Variants in NFIA observed in about 807,000 individuals in gnomAD.
NFIA encodes the protein nuclear factor 1 A-type.
NFIA carries 8 observed loss-of-function variants against 62.8 expected under a neutral mutation model. The ratio of observed to expected loss-of-function variants is 0.13; its 90% CI spans 0.07 to 0.23. The LOEUF (loss-of-function observed/expected upper bound fraction) is 0.23. Among genes scored for constraint, NFIA ranks in the 10% least tolerant of loss-of-function variants. NFIA has a pLI of 1.00. For missense variants in NFIA, 410 were observed against 642.1 expected, an observed-to-expected ratio of 0.64 and a Z score of 3.91; for synonymous variants, 235 against 238.1, an observed-to-expected ratio of 0.99 and a Z score of 0.12.
intron 2 of NFIA, among the ~76,000 whole-genome samples, chr1:61,111,017 C>T (rs1242115059): frequency 6.6e-6 from 1 of 152,038 alleles, no homozygotes; most frequent in Non-Finnish European, 1.5e-5. Context: ...TAAGTAGAGG[C>T]TCTCTGACAC....
chr1:61,190,070 G>C (rs146596590), intron 2 of NFIA, among the ~76,000 whole-genome samples: 6 of 152,202 alleles, frequency 3.9e-5, no homozygotes, highest in African/African-American at 1.4e-4. Context: ...CATTGGTTGA[G>C]TGCTGCAATG....
chr1:61,278,504 T>C (rs1657945725), intron 3 of NFIA, among the ~76,000 whole-genome samples: 1 of 152,198 alleles, frequency 6.6e-6, no homozygotes, highest in African/African-American at 2.4e-5. Flanking sequence ...AAGCTCAGGC[T>C]GTGGGCTGGG....
chr1:61,141,926 G>A (rs1218711746), intron 2 of NFIA, among the ~76,000 whole-genome samples: 1 of 152,162 alleles, frequency 6.6e-6, no homozygotes, highest in African/African-American at 2.4e-5. Context: ...CCCCCGTGAT[G>A]GTGAGGTGTT....
At chr1:61,077,601 T>C, upstream of NFIA, 1 of 1,398,642 alleles carries the variant, frequency 7.1e-7, no homozygotes, top group South Asian at 1.7e-5. Flanking sequence ...TTTTAAAGTT[T>C]CTCACGTACT....
In NFIA at chr1:61,456,441, CTAAT is replaced by C. The variant is rs1668304952; in HGVS notation, c.*1128_*1131del. 3 of 150,404 alleles carry C rather than the reference CTAAT, an allele frequency of 2.0e-5. No homozygotes were observed. In the South Asian group the frequency reaches 6.3e-4, roughly 32 times the overall value. 9.3% of individuals were successfully genotyped at this position (150,404 alleles called of 1,614,324 possible). A position where few individuals can be genotyped will look rare whatever the true frequency, so the allele number is the denominator to read the frequency against. ...CACAATATGTTAACTACATTAAATG[CTAAT>C]TAATTATTTTCTGTTATCAAAGCAC... On this transcript the variant is annotated 3_prime_UTR_variant, in exon 11 of 11. Transcript: ENST00000403491.
chr1:61,197,991 A>AAG (rs1275595325), intron 2 of NFIA, among the ~76,000 whole-genome samples: 1 of 152,146 alleles, frequency 6.6e-6, no homozygotes, highest in Non-Finnish European at 1.5e-5. Flanking sequence ...GAAAGAAAGA[A>AAG]AGAGAGAAAG....
intron 9 of NFIA, among the ~76,000 whole-genome samples, chr1:61,416,209 T>C (rs1419419386): frequency 3.3e-5 from 5 of 152,146 alleles, no homozygotes; most frequent in African/African-American, 1.2e-4. Context: ...AGAAAGATAT[T>C]GCTAAGTTTT....
chr1:61,330,436 A>ACT (rs1553173845), intron 3 of NFIA, among the ~76,000 whole-genome samples: 1 of 63,480 alleles, frequency 1.6e-5, no homozygotes, highest in Non-Finnish European at 3.4e-5. Context: ...AAATAGATAC[A>ACT]CCCCCCCCAC....
At chr1:61,144,586 A>G (rs951396021) in intron 2 of NFIA, among the ~76,000 whole-genome samples, 6 of 152,186 alleles carry the variant, frequency 3.9e-5, no homozygotes, top group Non-Finnish European at 8.8e-5. Flanking sequence ...GCACAGCCAC[A>G]AGAACTTGGG....
At chr1:61,241,505 G>C (rs1655348374) in intron 2 of NFIA, among the ~76,000 whole-genome samples, 1 of 152,104 alleles carries the variant, frequency 6.6e-6, no homozygotes, top group African/African-American at 2.4e-5. Flanking sequence ...TATTTAAACA[G>C]TGTCAGTGAA....
intron 10 of NFIA, among the ~76,000 whole-genome samples, chr1:61,430,304 A>T (rs1462873630): frequency 6.6e-6 from 1 of 152,218 alleles, no homozygotes; most frequent in Non-Finnish European, 1.5e-5. Context: ...AAAGAACTTT[A>T]AAAATATGAC....
At chr1:61,338,725 G>A (rs1661747015) in intron 4 of NFIA, among the ~76,000 whole-genome samples, 1 of 152,218 alleles carries the variant, frequency 6.6e-6, no homozygotes. Flanking sequence ...AAGGACTAAT[G>A]AGGAAATGGG....
intron 2 of NFIA, among the ~76,000 whole-genome samples, chr1:61,265,326 A>G (rs755718261): frequency 2.6e-5 from 4 of 152,220 alleles, no homozygotes; most frequent in Admixed American, 6.5e-5. Context: ...TGCATATGTC[A>G]GGGAGAAAGC....
At chr1:61,397,424 G>A (rs371096486) in intron 7 of NFIA, among the ~76,000 whole-genome samples, 2 of 152,032 alleles carry the variant, frequency 1.3e-5, no homozygotes, top group Non-Finnish European at 2.9e-5. Flanking sequence ...AGAGACAGGC[G>A]AGCAACAAGT....
At chr1:61,384,694 T>C (rs1664590707) in intron 7 of NFIA, among the ~76,000 whole-genome samples, 1 of 152,186 alleles carries the variant, frequency 6.6e-6, no homozygotes, top group Non-Finnish European at 1.5e-5. Context: ...AGAATATTTA[T>C]GGCCTGAAGG....
In NFIA at chr1:61,332,522, C is replaced by G; in HGVS notation, c.636C>G (p.Gly212=). The stretch of plus-strand genomic sequence containing the variant: ...TTTTTGTTTCCCCAGGACATTTGGG[C>G]TTCCAGGACAGTTTTGTCACATCAG... ...IKDQPENGHL[G]FQDSFVTSGV... is the part of the protein sequence containing the mutation. The change falls in exon 4 of 11, where the codon GGC becomes GGG. Residue 212 remains glycine (G), a synonymous_variant. Transcript: ENST00000403491. 1 of 1,613,892 alleles carries G rather than the reference C, an allele frequency of 6.2e-7. No individual in the cohort carries two copies. The highest frequency in any genetic ancestry group is 8.5e-7 in the Non-Finnish European group (1 of 1,179,866).
intron 2 of NFIA, among the ~76,000 whole-genome samples, chr1:61,231,593 A>G (rs751021108): frequency 6.6e-6 from 1 of 152,204 alleles, no homozygotes; most frequent in African/African-American, 2.4e-5. Flanking sequence ...GTATTTAGCT[A>G]TTGTAAAATA....
In NFIA at chr1:61,456,890, G is replaced by T. The variant is rs1272394327; in HGVS notation, c.*1570G>T. The T allele has an allele frequency of 6.6e-6, 1 of 151,170 alleles. No homozygotes were observed. The highest frequency in any genetic ancestry group is 1.5e-5 in the Non-Finnish European group (1 of 67,858). 9.4% of individuals were successfully genotyped at this position (151,170 alleles called of 1,614,324 possible). On this transcript the variant is annotated 3_prime_UTR_variant, in exon 11 of 11. Transcript: ENST00000403491. The stretch of plus-strand genomic sequence containing the variant: ...GCAAGTGATTTTTCTACCAGACAGC[G>T]AAGCACCCCTTTGCTTCCCATGCGA...
chr1:61,126,921 A>T (rs528359256), intron 2 of NFIA, among the ~76,000 whole-genome samples: 1 of 148,592 alleles, frequency 6.7e-6, no homozygotes, highest in African/African-American at 2.5e-5. Context: ...AGTAGCTGGG[A>T]CTACAGATGT....
Sources: allele counts gnomAD v4.1 joint callset (sites outside exome capture counted in the v4.1 genomes callset), GRCh38; gene constraint gnomAD v4.1.1; transcripts MANE v1.5; gene names NCBI Gene and HGNC (gene_info 2026-07-23, HGNC 2026-07-21).